The following BLTP3B variants were observed in gnomAD, a reference collection of about 807,000 sequenced individuals.
BLTP3B encodes the protein UHRF1 (ICBP90) binding protein 1-like.
the BLTP3B span, among the ~76,000 whole-genome samples, chr12:100,077,566 C>T: frequency 6.6e-6 from 1 of 152,232 alleles, no homozygotes; most frequent in Non-Finnish European, 1.5e-5. Flanking sequence ...TAGAGGTCAG[C>T]AGCATCCCTG....
the BLTP3B span, among the ~76,000 whole-genome samples, chr12:100,076,986 C>T: frequency 6.6e-6 from 1 of 152,136 alleles, no homozygotes; most frequent in African/African-American, 2.4e-5. Flanking sequence ...CTGTATTTCA[C>T]TCACAACCAT....
chr12:100,075,817 GA>G, the BLTP3B span, among the ~76,000 whole-genome samples: 1,178 of 152,168 alleles, frequency 7.7e-3, 13 homozygotes, highest in African/African-American at 0.027. Flanking sequence ...ACATTAGTTA[GA>G]ATGGCTATTA....
chr12:100,105,999 A>C, the BLTP3B span, among the ~76,000 whole-genome samples: 1 of 152,210 alleles, frequency 6.6e-6, no homozygotes, highest in Non-Finnish European at 1.5e-5. Context: ...TTAAAAACAC[A>C]TTGAGACACC....
the BLTP3B span, among the ~76,000 whole-genome samples, chr12:100,039,014 A>G: frequency 6.6e-6 from 1 of 152,194 alleles, no homozygotes; most frequent in Non-Finnish European, 1.5e-5. Flanking sequence ...GAGTTCTTCA[A>G]TAGTCACGGA....
the BLTP3B span, among the ~76,000 whole-genome samples, chr12:100,116,340 G>A: frequency 6.7e-6 from 1 of 150,228 alleles, no homozygotes; most frequent in Non-Finnish European, 1.5e-5. Flanking sequence ...CGTAGTCCAA[G>A]TTACTCAGAA....
the BLTP3B span, among the ~76,000 whole-genome samples, chr12:100,078,010 C>T: frequency 6.6e-6 from 1 of 152,070 alleles, no homozygotes; most frequent in African/African-American, 2.4e-5. Flanking sequence ...TGACCCTGCT[C>T]CTGGGAAGCA....
At chr12:100,079,151 A>G in the BLTP3B span, among the ~76,000 whole-genome samples, 1 of 152,184 alleles carries the variant, frequency 6.6e-6, no homozygotes, top group Non-Finnish European at 1.5e-5. Context: ...AATACAGTAA[A>G]TTGGTACTAG....
the BLTP3B span, among the ~76,000 whole-genome samples, chr12:100,049,304 G>A: frequency 6.6e-6 from 1 of 152,186 alleles, no homozygotes; most frequent in Non-Finnish European, 1.5e-5. Flanking sequence ...TCTGAGGTAT[G>A]AAAGTTATTT....
the BLTP3B span, among the ~76,000 whole-genome samples, chr12:100,120,917 C>T: frequency 7.9e-5 from 12 of 151,824 alleles, no homozygotes; most frequent in East Asian, 1.9e-4. Context: ...AAAAGGTAAA[C>T]GGATAAATTG....
chr12:100,118,845 G>A, the BLTP3B span, among the ~76,000 whole-genome samples: 1 of 152,206 alleles, frequency 6.6e-6, no homozygotes, highest in African/African-American at 2.4e-5. Context: ...GTTCATGCCT[G>A]TAACTCCAGC....
the BLTP3B span, among the ~76,000 whole-genome samples, chr12:100,120,688 TGCATATACCTA>T: frequency 2.6e-5 from 4 of 152,300 alleles, no homozygotes; most frequent in Admixed American, 6.5e-5. Flanking sequence ...TTTAAAGTGA[TGCATATACCTA>T]GCATATACCT....
the BLTP3B span, among the ~76,000 whole-genome samples, chr12:100,116,307 A>T: frequency 6.6e-6 from 1 of 151,986 alleles, no homozygotes; most frequent in Non-Finnish European, 1.5e-5. Flanking sequence ...ATTAAAAGTT[A>T]GCTAAGCATA....
the BLTP3B span, among the ~76,000 whole-genome samples, chr12:100,142,396 G>A: frequency 6.6e-6 from 1 of 152,280 alleles, no homozygotes; most frequent in East Asian, 1.9e-4. Flanking sequence ...GTCAGGGGCC[G>A]ATTCGTGAGG....
At chr12:100,100,997 C>T in the BLTP3B span, among the ~76,000 whole-genome samples, 354 of 152,202 alleles carry the variant, frequency 2.3e-3, 8 homozygotes, top group East Asian at 0.04. Context: ...GCTTATGATA[C>T]TATAAAAACA....
the BLTP3B span, among the ~76,000 whole-genome samples, chr12:100,141,415 A>ATATGTATATATGTACATATG: frequency 6.9e-6 from 1 of 144,030 alleles, no homozygotes; most frequent in African/African-American, 2.7e-5. Context: ...GTATATATGT[A>ATATGTATATATGTACATATG]TATGTATATA....
chr12:100,098,628 A>G, the BLTP3B span: 15 of 1,382,184 alleles, frequency 1.1e-5, no homozygotes, highest in Non-Finnish European at 1.3e-5. Flanking sequence ...CTGGTTGGGG[A>G]TGGTGGCTCA....
At chr12:100,055,719 AG>A in the BLTP3B span, among the ~76,000 whole-genome samples, 1 of 151,488 alleles carries the variant, frequency 6.6e-6, no homozygotes, top group South Asian at 2.1e-4. Context: ...AGACAATCCC[AG>A]TTCTGCGTAC....
At chr12:100,113,342 G>A in the BLTP3B span, among the ~76,000 whole-genome samples, 2 of 151,136 alleles carry the variant, frequency 1.3e-5, no homozygotes, top group Non-Finnish European at 3.0e-5. Flanking sequence ...GCTGGGTGTG[G>A]ATCCCAGCTA....
the BLTP3B span, among the ~76,000 whole-genome samples, chr12:100,123,757 T>A: frequency 1.3e-5 from 2 of 152,192 alleles, no homozygotes; most frequent in African/African-American, 4.8e-5. Flanking sequence ...CTGCCTTTTT[T>A]TTTTTAAATG....
Sources: gnomAD v4.1 joint callset for allele counts (sites outside exome capture counted in the v4.1 genomes callset) on GRCh38, gnomAD v4.1.1 for gene constraint, MANE v1.5 for transcripts, NCBI Gene and HGNC (gene_info 2026-07-23, HGNC 2026-07-21) for gene names.